Variants in TP63 observed in about 807,000 individuals in gnomAD.
The protein encoded by TP63 is tumor protein p63, also known as tumor protein 63.
A neutral mutation model predicts 82.8 loss-of-function variants in TP63; 17 were observed. The observed-to-expected ratio is 0.21, with a 90% CI of 0.14 to 0.31. TP63 has a LOEUF of 0.31. Among genes scored for constraint, TP63 ranks in the 10% least tolerant of loss-of-function variants. TP63 has a pLI of 1.00. For synonymous variants in TP63, 330 were observed against 321.7 expected (o/e 1.03, Z -0.28); for missense variants, 648 against 895.3 (o/e 0.72, Z 3.52).
At chr3:189,637,686 G>C (rs974606407) in intron 1 of TP63, among the ~76,000 whole-genome samples, 1 of 152,102 alleles carries the variant, frequency 6.6e-6, no homozygotes, top group Non-Finnish European at 1.5e-5. Context: ...CCAATGCATT[G>C]CACATGTGAC....
chr3:189,757,150 G>A (rs1159676987), intron 3 of TP63, among the ~76,000 whole-genome samples: 2 of 152,136 alleles, frequency 1.3e-5, no homozygotes, highest in Non-Finnish European at 2.9e-5. Flanking sequence ...CCAACCTTTA[G>A]TAGATGAGAA....
At chr3:189,659,468 C>A (rs1307280497) in intron 1 of TP63, among the ~76,000 whole-genome samples, 1 of 151,920 alleles carries the variant, frequency 6.6e-6, no homozygotes, top group Non-Finnish European at 1.5e-5. Flanking sequence ...AATGGGAACC[C>A]CAAATGGGCA....
intron 4 of TP63, among the ~76,000 whole-genome samples, chr3:189,824,312 GTTCGAGCCATTCCGGA>G (rs1729110164): frequency 6.6e-6 from 1 of 151,932 alleles, no homozygotes; most frequent in Non-Finnish European, 1.5e-5. Context: ...TGCCTCCTGG[GTTCGAGCCATTCCGGA>G]TTCGAGCCAT....
rs1560289101 is a variant in TP63 at position 189,875,605 on chromosome 3, T to TATATATATATATATACAC, written c.1349+2625_1349+2626insCACATATATATATATATA. Among the ~76,000 whole-genome samples, 22 of 58,690 alleles carry TATATATATATATATACAC rather than the reference T, an allele frequency of 3.7e-4. 2 individuals are homozygous for TATATATATATATATACAC. The highest frequency in any genetic ancestry group is 6.2e-4 in the Admixed American group (4 of 6,492). The allele number at this position is 58,690 out of a possible 152,430, so 38.5% of individuals were successfully genotyped here. On this transcript the variant is annotated intron_variant, in intron 10 of 13. Coordinates refer to ENST00000264731, the MANE Select transcript of TP63 (RefSeq NM_003722.5). Reference sequence around the variant, plus strand: ...AAAAAAATACATACATATATATATATATATATATATATATATATATATATA... The same window carrying TATATATATATATATACAC: ...AAAAAAATACATACATATATATATATATATATATATATATACACATATATATATATATATATATATATA...
intron 1 of TP63, among the ~76,000 whole-genome samples, chr3:189,711,840 A>G (rs1401308357): frequency 6.6e-6 from 1 of 152,190 alleles, no homozygotes; most frequent in Non-Finnish European, 1.5e-5. Context: ...ACACTGATGT[A>G]TGGGCTTGAG....
In TP63 at chr3:189,867,908, C is replaced by G; in HGVS notation, c.958C>G (p.Pro320Ala). Reference sequence around the variant, plus strand: ...TTGTGTTGGAGGGATGAACCGCCGTCCAATTTTAATCATTGTTACTCTGGA... The same window carrying G: ...TTGTGTTGGAGGGATGAACCGCCGTGCAATTTTAATCATTGTTACTCTGGA... ...SSCVGGMNRR[P>A]ILIIVTLETR... The change falls in exon 7 of 14, where the codon CCA (proline) becomes GCA (alanine). Residue 320 changes from proline (P) to alanine (A), a missense_variant. By Grantham distance (27) the Pro-to-Ala change is conservative. Transcript: ENST00000264731. 2 of 1,613,982 alleles carry G rather than the reference C, an allele frequency of 1.2e-6. No individual in the cohort carries two copies. Among genetic ancestry groups the G allele is most frequent in the Non-Finnish European group, 1.7e-6 (2 of 1,179,944 alleles).
Position 189,866,769 on chromosome 3 carries a change from G to C in TP63, c.854G>C (p.Ser285Thr). Residue 285 changes from serine to threonine, a missense_variant, in exon 6 of 14, where the codon AGT (serine) becomes ACT (threonine). Ser to Thr is a moderately conservative substitution (Grantham distance 58). This residue lies in a region of TP63 where 30 missense variants were observed against 26.4 expected (regional missense o/e 1.14). Transcript: ENST00000264731. Reference sequence around the variant, plus strand: ...GAAGATCCCATCACAGGAAGACAGAGTGTGCTGGTACCTTATGAGCCACCC... The same window carrying C: ...GAAGATCCCATCACAGGAAGACAGACTGTGCTGGTACCTTATGAGCCACCC... Reference protein sequence around the residue: ...YVEDPITGRQSVLVPYEPPQV... With the variant: ...YVEDPITGRQTVLVPYEPPQV... 1 of 1,614,094 alleles carries C rather than the reference G, an allele frequency of 6.2e-7. No individual in the cohort carries two copies. Among genetic ancestry groups the C allele is most frequent in the Non-Finnish European group, 8.5e-7 (1 of 1,179,982 alleles).
chr3:189,871,462 G>C (rs770746469), intron 9 of TP63, among the ~76,000 whole-genome samples: 5 of 152,142 alleles, frequency 3.3e-5, no homozygotes, highest in Non-Finnish European at 7.3e-5. Flanking sequence ...CTATAAATAA[G>C]AGTAAGATCA....
At chr3:189,831,818 CTTTTTTTTT>C (rs1156431272) in intron 4 of TP63, among the ~76,000 whole-genome samples, 1 of 73,168 alleles carries the variant, frequency 1.4e-5, no homozygotes, top group Non-Finnish European at 2.5e-5. Context: ...CTATTATGCT[CTTTTTTTTT>C]TTTTTTTTTT....
chr3:189,797,586 G>A (rs1007673041), intron 3 of TP63, among the ~76,000 whole-genome samples: 1 of 152,012 alleles, frequency 6.6e-6, no homozygotes, highest in Admixed American at 6.6e-5. Flanking sequence ...CTCTCAAAGG[G>A]CAACATCAGA....
intron 1 of TP63, among the ~76,000 whole-genome samples, chr3:189,723,148 GTAAAGAGTCAAGACC>G (rs1017868862): frequency 1.3e-4 from 20 of 152,128 alleles, no homozygotes; most frequent in Non-Finnish European, 2.9e-5. Flanking sequence ...GTAACCTAAG[GTAAAGAGTCAAGACC>G]TTTTTTTCCT....
rs542893526 is a variant in TP63 at position 189,835,804 on chromosome 3, C to G, written c.579+27278C>G. ...TGGCAGGTGCCTGTAATCCCAGCTA[C>G]TTAGGAGGCTGAGGTAGGAGAATCA... On this transcript the variant is annotated intron_variant, in intron 4 of 13. Coordinates refer to ENST00000264731, the MANE Select transcript of TP63 (RefSeq NM_003722.5). 4.6e-5 allele frequency among the ~76,000 whole-genome samples: 7 copies of G among 151,950 alleles called. No homozygotes were observed. The South Asian group carries it at 1.5e-3, about 32-fold the overall frequency.
intron 1 of TP63, among the ~76,000 whole-genome samples, chr3:189,667,469 A>C (rs533991724): frequency 4.2e-4 from 64 of 152,122 alleles, no homozygotes; most frequent in African/African-American, 1.5e-3. Context: ...AAGTAGATTT[A>C]AGAGTTGCTG....
intron 3 of TP63, among the ~76,000 whole-genome samples, chr3:189,776,317 C>T (rs893570927): frequency 3.3e-5 from 5 of 152,132 alleles, no homozygotes; most frequent in Non-Finnish European, 5.9e-5. Flanking sequence ...TTTGGAACAC[C>T]GTGTTTCCCT....
chr3:189,623,727 T>G, the TP63 span, among the ~76,000 whole-genome samples: 1 of 152,164 alleles, frequency 6.6e-6, no homozygotes, highest in African/African-American at 2.4e-5. Context: ...GAAACCCCAC[T>G]AGGAATTTAG....
At chr3:189,855,694 G>A (rs1473300296) in intron 4 of TP63, among the ~76,000 whole-genome samples, 1 of 151,596 alleles carries the variant, frequency 6.6e-6, no homozygotes, top group Non-Finnish European at 1.5e-5. Context: ...TAGTTTGTGT[G>A]TATATATGTG....
chr3:189,669,815 AC>A (rs1413598785), intron 1 of TP63, among the ~76,000 whole-genome samples: 1 of 152,080 alleles, frequency 6.6e-6, no homozygotes, highest in Admixed American at 6.6e-5. Flanking sequence ...ATAAAATAAA[AC>A]AAAAGTATAT....
At position 189,864,259 on chromosome 3, in the gene TP63, T is replaced by G. The variant is rs1717412985; in HGVS notation, c.607T>G (p.Cys203Gly). 6.2e-7 allele frequency: 1 copy of G among 1,614,050 alleles called. No homozygotes were observed. Among genetic ancestry groups the G allele is most frequent in the Non-Finnish European group, 8.5e-7 (1 of 1,180,032 alleles). The stretch of plus-strand genomic sequence containing the variant: ...TTCCACTGAACTGAAGAAACTCTAC[T>G]GCCAAATTGCAAAGACATGCCCCAT... The part of the protein sequence containing the change: ...TYSTELKKLY[C>G]QIAKTCPIQI... Residue 203 changes from cysteine to glycine, a missense_variant, in exon 5 of 14, where the codon TGC becomes GGC. Coordinates refer to ENST00000264731, the MANE Select transcript of TP63 (RefSeq NM_003722.5).
At chr3:189,849,812 T>C (rs1380233839) in intron 4 of TP63, among the ~76,000 whole-genome samples, 1 of 152,190 alleles carries the variant, frequency 6.6e-6, no homozygotes. Context: ...CCTCTTTAAG[T>C]CTCAGTTTTA....
Sources: allele counts gnomAD v4.1 joint callset (sites outside exome capture counted in the v4.1 genomes callset), GRCh38; gene constraint gnomAD v4.1.1; regional missense constraint gnomAD v4.1.1; transcripts MANE v1.5; gene names NCBI Gene and HGNC (gene_info 2026-07-23, HGNC 2026-07-21).